KCTD1: variants seen among roughly 807,000 people sequenced by gnomAD.
The protein encoded by KCTD1 is potassium channel tetramerization domain containing 1, also known as BTB/POZ domain-containing protein KCTD1.
KCTD1 carries 24 observed loss-of-function variants against 66.0 expected under a neutral mutation model. That is an observed-to-expected ratio of 0.36 (90% CI 0.26 to 0.51). KCTD1 has a LOEUF of 0.51. Ranked by LOEUF, KCTD1 falls within the 20% of genes least tolerant of loss-of-function variation. The pLI is 0.95. For missense variants in KCTD1, 943 were observed against 1,205.2 expected (o/e 0.78, Z 3.22); for synonymous variants, 511 against 517.2 (o/e 0.99, Z 0.16).
chr18:26,530,495 G>A (rs1352502805), intron 1 of KCTD1, among the ~76,000 whole-genome samples: 4 of 152,130 alleles, frequency 2.6e-5, no homozygotes, highest in Non-Finnish European at 4.4e-5. Context: ...GTCCATCTTG[G>A]TCCTATCCCT....
chr18:26,570,191 A>AATATATATATAT (rs1555643817), intron 1 of KCTD1, among the ~76,000 whole-genome samples: 1 of 132,540 alleles, frequency 7.5e-6, no homozygotes, highest in South Asian at 2.5e-4. Context: ...ATCTAAAAAA[A>AATATATATATAT]ATATATATAT....
In KCTD1 at chr18:26,547,133, G is replaced by T. The variant is rs746751822; in HGVS notation, c.1404C>A (p.Gly468=). The T allele has an allele frequency of 2.6e-6, 4 of 1,550,512 alleles. No homozygotes were observed. In the African/African-American group the frequency reaches 5.5e-5, roughly 21 times the overall value. Residue 468 remains glycine (G), a synonymous_variant, in exon 1 of 5, where the codon GGC becomes GGA. Transcript: ENST00000580059. ...IATLNSIAGI[G]TKLGSPAPQG... ...GCGGGGCGGGCGAGCCCAGCTTGGT[G>T]CCAATGCCCGCGATGCTGTTGAGCG...
At chr18:26,595,355 C>T (rs995896750) in intron 1 of KCTD1, among the ~76,000 whole-genome samples, 1 of 152,196 alleles carries the variant, frequency 6.6e-6, no homozygotes, top group East Asian at 1.9e-4. Context: ...TGTCTCCATT[C>T]TTCAGTAGAA....
intron 1 of KCTD1, among the ~76,000 whole-genome samples, chr18:26,625,945 C>T (rs1987489509): frequency 1.3e-5 from 2 of 152,096 alleles, no homozygotes; most frequent in Admixed American, 6.5e-5. Flanking sequence ...CAAATCAGGT[C>T]AATCAGAGTG....
At chr18:26,472,986 G>T (rs1398821214) in intron 3 of KCTD1, among the ~76,000 whole-genome samples, 6 of 152,224 alleles carry the variant, frequency 3.9e-5, no homozygotes, top group African/African-American at 1.2e-4. Flanking sequence ...TGCAGACTGA[G>T]GGCTGGAGGC....
At chr18:26,524,283 C>G (rs1223065295) in intron 1 of KCTD1, among the ~76,000 whole-genome samples, 1 of 152,124 alleles carries the variant, frequency 6.6e-6, no homozygotes, top group Non-Finnish European at 1.5e-5. Context: ...AAGGAGCATG[C>G]AAGACAGCGC....
intron 1 of KCTD1, among the ~76,000 whole-genome samples, chr18:26,595,215 C>A (rs1262138987): frequency 6.6e-6 from 1 of 152,158 alleles, no homozygotes; most frequent in Non-Finnish European, 1.5e-5. Context: ...CCCCCTACCC[C>A]ATTCCTGTGA....
chr18:26,500,800 A>C (rs1251243588), intron 2 of KCTD1, among the ~76,000 whole-genome samples: 1 of 152,234 alleles, frequency 6.6e-6, no homozygotes, highest in Non-Finnish European at 1.5e-5. Context: ...CTACATTGAG[A>C]ATTATGAATA....
intron 1 of KCTD1, among the ~76,000 whole-genome samples, chr18:26,616,179 T>C (rs1473264243): frequency 2.0e-5 from 3 of 150,080 alleles, no homozygotes; most frequent in Admixed American, 1.3e-4. Context: ...TTGTTGGACC[T>C]CAGGTGATGA....
chr18:26,549,686 C>A, upstream of KCTD1: 1 of 981,628 alleles, frequency 1.0e-6, no homozygotes, highest in Non-Finnish European at 1.2e-6. Context: ...CCGACCCTGC[C>A]GCAGCCACAA....
At chr18:26,514,056 G>A (rs1289873201) in intron 1 of KCTD1, among the ~76,000 whole-genome samples, 1 of 152,174 alleles carries the variant, frequency 6.6e-6, no homozygotes, top group African/African-American at 2.4e-5. Context: ...TTTTATTGGA[G>A]TATCATTTAC....
At chr18:26,459,458 T>TA (rs1475489228) in intron 4 of KCTD1, 162 bp downstream of exon 4, 1 of 649,738 alleles carries the variant, frequency 1.5e-6, no homozygotes, top group African/African-American at 1.8e-5. Context: ...TCACAAGACT[T>TA]ACGGAATGAC....
chr18:26,525,832 C>T (rs1434004862), intron 1 of KCTD1, among the ~76,000 whole-genome samples: 3 of 152,302 alleles, frequency 2.0e-5, no homozygotes, highest in East Asian at 3.9e-4. Flanking sequence ...TATGATCCTC[C>T]CGCTTCAGCC....
At chr18:26,648,746 G>A (rs759727950) in intron 1 of KCTD1, among the ~76,000 whole-genome samples, 7 of 152,292 alleles carry the variant, frequency 4.6e-5, no homozygotes, top group Non-Finnish European at 1.0e-4. Context: ...GAGACTAAGA[G>A]CAAAGACTGG....
In KCTD1 at chr18:26,459,668, G is replaced by A. The variant is rs765491663; in HGVS notation, c.2391C>T (p.His797=). ...VNAGWNHDST[H]VIRFPLNGYC... is the part of the protein sequence containing the mutation. ...AGCCATTTAGTGGAAACCTGATGAC[G>A]TGCGTCGAGTCGTGATTCCAGCCTG... Residue 797 remains histidine (H), a synonymous_variant, in exon 4 of 5, where the codon CAC becomes CAT. Coordinates refer to ENST00000580059, the MANE Select transcript of KCTD1 (RefSeq NM_001142730.3). 5 of 1,611,380 alleles carry A rather than the reference G, an allele frequency of 3.1e-6. No homozygotes were observed. The highest frequency in any genetic ancestry group is 2.2e-5 in the South Asian group (2 of 90,738).
chr18:26,463,422 A>C (rs1322035424), intron 3 of KCTD1, among the ~76,000 whole-genome samples: 1 of 152,198 alleles, frequency 6.6e-6, no homozygotes, highest in Admixed American at 6.5e-5. Flanking sequence ...TCTCAAAAAA[A>C]AAGAGAAAAA....
intron 1 of KCTD1, among the ~76,000 whole-genome samples, chr18:26,513,383 G>A (rs1207906956): frequency 2.0e-5 from 3 of 151,594 alleles, no homozygotes; most frequent in Admixed American, 6.6e-5. Context: ...CACCGCGCCC[G>A]GCCTCCAGGG....
Position 26,547,741 on chromosome 18 carries a change from C to A in KCTD1, c.796G>T (p.Val266Phe). ...CCCTGCTCCTCGAGCTTGCGGATGA[C>A]CGCGGCCAGCGTCAGGTTGGCGCTG... The part of the protein sequence containing the change: ...LRSANLTLAA[V>F]IRKLEEQGAG... Residue 266 changes from valine to phenylalanine, a missense_variant, in exon 1 of 5, where the codon GTC becomes TTC. Coordinates refer to ENST00000580059, the MANE Select transcript of KCTD1 (RefSeq NM_001142730.3). 6.5e-7 allele frequency: 1 copy of A among 1,545,542 alleles called. No individual in the cohort carries two copies. The highest frequency in any genetic ancestry group is 8.7e-7 in the Non-Finnish European group (1 of 1,146,674).
At chr18:26,628,367 T>G (rs545851271) in intron 1 of KCTD1, among the ~76,000 whole-genome samples, 17 of 152,264 alleles carry the variant, frequency 1.1e-4, no homozygotes, top group African/African-American at 4.1e-4. Context: ...CCTTTTTTCA[T>G]AGATCTGATT....
Sources: allele counts gnomAD v4.1 joint callset (sites outside exome capture counted in the v4.1 genomes callset), GRCh38; gene constraint gnomAD v4.1.1; transcripts MANE v1.5; gene names NCBI Gene and HGNC (gene_info 2026-07-23, HGNC 2026-07-21).